Variants in CAMK2D observed in about 807,000 individuals in gnomAD.
CAMK2D encodes calcium/calmodulin-dependent protein kinase type II subunit delta.
CAMK2D carries 37 observed loss-of-function variants against 84.0 expected under a neutral mutation model. That is an observed-to-expected ratio of 0.44 (90% CI 0.34 to 0.58). CAMK2D has a LOEUF of 0.58. Among genes scored for constraint, CAMK2D ranks in the 20% least tolerant of loss-of-function variants. The probability of loss-of-function intolerance (pLI) is 0.02; values close to 1 mark genes in which losing one functional copy is unlikely to be tolerated. For missense variants in CAMK2D, 448 were observed against 652.5 expected (o/e 0.69, Z 3.41); for synonymous variants, 202 against 212.5 (o/e 0.95, Z 0.43).
intron 16 of CAMK2D, among the ~76,000 whole-genome samples, chr4:113,468,679 C>T (rs977679697): frequency 4.0e-5 from 6 of 151,038 alleles, no homozygotes; most frequent in South Asian, 2.1e-4. Flanking sequence ...CTTGGACAGA[C>T]AAGTTGTGTG....
intron 8 of CAMK2D, 106 bp from the exon 9 acceptor site, chr4:113,517,763 A>C: frequency 3.3e-6 from 2 of 602,302 alleles, no homozygotes; most frequent in Non-Finnish European, 6.1e-6. Context: ...AAACAGAGAA[A>C]ACTGGATTGT....
intron 5 of CAMK2D, 80 bp downstream of exon 5, chr4:113,551,951 C>A: frequency 1.5e-6 from 1 of 652,600 alleles, no homozygotes; most frequent in Non-Finnish European, 2.7e-6. Flanking sequence ...TTTGTACAAA[C>A]ATGCATTTGT....
At position 113,603,773 on chromosome 4, in the gene CAMK2D, T is replaced by TTATATATATATATATATATATATATA. The variant is rs139576985; in HGVS notation, c.275+5353_275+5378dup. Among the ~76,000 whole-genome samples, 67 of 127,936 alleles carry TTATATATATATATATATATATATATA rather than the reference T, an allele frequency of 5.2e-4. 1 individual carries two copies. The highest frequency in any genetic ancestry group is 2.1e-3 in the African/African-American group (65 of 30,644). 83.9% of individuals were successfully genotyped at this position (127,936 alleles called of 152,430 possible). A position where few individuals can be genotyped will look rare whatever the true frequency, so the allele number is the denominator to read the frequency against. On this transcript the variant is annotated intron_variant, in intron 4 of 20. Transcript: ENST00000511664. ...ATCTTTCTATATATTTCTTGCTATT[T>TTATATATATATATATATATATATATA]TATATATATATATATATATATATAT... is the stretch of plus-strand genomic sequence containing the variant.
At chr4:113,614,493 G>A (rs931025827) in intron 3 of CAMK2D, among the ~76,000 whole-genome samples, 5 of 152,138 alleles carry the variant, frequency 3.3e-5, no homozygotes, top group Non-Finnish European at 7.3e-5. Flanking sequence ...CTGTAATCTT[G>A]GAAACCACTT....
chr4:113,623,383 T>C lies in CAMK2D; in HGVS notation c.221-14177A>G, dbSNP rs112416395. Among the ~76,000 whole-genome samples, 834 of 150,620 alleles carry C rather than the reference T, an allele frequency of 5.5e-3. 7 individuals are homozygous for C. The highest frequency in any genetic ancestry group is 0.017 in the African/African-American group (718 of 41,064). On this transcript the variant is annotated intron_variant, in intron 3 of 20. Coordinates refer to ENST00000511664, the MANE Select transcript of CAMK2D (RefSeq NM_001321571.2). The stretch of plus-strand genomic sequence containing the variant: ...TCAATGATCTATCATGATGTGTATA[T>C]ACACACACACACACACACACCCACA...
At chr4:113,467,268 A>G (rs139549107) in intron 16 of CAMK2D, among the ~76,000 whole-genome samples, 113 of 152,322 alleles carry the variant, frequency 7.4e-4, no homozygotes, top group African/African-American at 2.6e-3. Flanking sequence ...TTCTTTATTG[A>G]CTAAAGAAAC....
At chr4:113,719,443 T>C (rs1156822407) in intron 2 of CAMK2D, among the ~76,000 whole-genome samples, 1 of 152,220 alleles carries the variant, frequency 6.6e-6, no homozygotes, top group African/African-American at 2.4e-5. Flanking sequence ...CATTCTACCA[T>C]GCCCTTCAGA....
chr4:113,560,506 T>C (rs183465635), intron 4 of CAMK2D, among the ~76,000 whole-genome samples: 1 of 152,190 alleles, frequency 6.6e-6, no homozygotes, highest in Non-Finnish European at 1.5e-5. Context: ...CCATAATCCT[T>C]AAGACCTAGC....
chr4:113,581,739 T>C (rs2098811227), intron 4 of CAMK2D, among the ~76,000 whole-genome samples: 1 of 152,170 alleles, frequency 6.6e-6, no homozygotes, highest in Non-Finnish European at 1.5e-5. Context: ...GTGGTGGTGC[T>C]AGCAAAACAT....
chr4:113,558,800 A>C (rs2098683714), intron 4 of CAMK2D, among the ~76,000 whole-genome samples: 1 of 149,046 alleles, frequency 6.7e-6, no homozygotes, highest in South Asian at 2.1e-4. Flanking sequence ...TGAGCCTAGG[A>C]GTTCAAAAAC....
At chr4:113,522,349 C>T (rs1222467098) in intron 8 of CAMK2D, among the ~76,000 whole-genome samples, 1 of 152,132 alleles carries the variant, frequency 6.6e-6, no homozygotes, top group Non-Finnish European at 1.5e-5. Context: ...CTTGGAAGTA[C>T]ACAATTAATT....
At chr4:113,542,890 T>A (rs1330716165) in intron 6 of CAMK2D, among the ~76,000 whole-genome samples, 1 of 152,194 alleles carries the variant, frequency 6.6e-6, no homozygotes, top group East Asian at 1.9e-4. Context: ...CTCATATTCA[T>A]CTATCCATCC....
At chr4:113,636,218 A>C (rs899068101) in intron 3 of CAMK2D, among the ~76,000 whole-genome samples, 1 of 152,118 alleles carries the variant, frequency 6.6e-6, no homozygotes, top group East Asian at 1.9e-4. Context: ...CTCTGGATTT[A>C]TCCTTGACCT....
At chr4:113,648,959 T>C (rs1407948131) in intron 3 of CAMK2D, among the ~76,000 whole-genome samples, 1 of 152,186 alleles carries the variant, frequency 6.6e-6, no homozygotes, top group Non-Finnish European at 1.5e-5. Flanking sequence ...AATTTCTAAT[T>C]TCTCCCAATG....
chr4:113,473,676 T>C (rs1291598240), intron 16 of CAMK2D, among the ~76,000 whole-genome samples: 1 of 152,206 alleles, frequency 6.6e-6, no homozygotes, highest in Non-Finnish European at 1.5e-5. Context: ...TGAACTTTGC[T>C]ATATAATGCA....
At chr4:113,466,591 G>C (rs546426735) in intron 16 of CAMK2D, among the ~76,000 whole-genome samples, 75 of 152,298 alleles carry the variant, frequency 4.9e-4, no homozygotes, top group Non-Finnish European at 8.8e-4. Context: ...AGTGACATAT[G>C]AATCAATACT....
chr4:113,479,155 T>C (rs2097667670), intron 16 of CAMK2D, among the ~76,000 whole-genome samples: 1 of 152,210 alleles, frequency 6.6e-6, no homozygotes, highest in African/African-American at 2.4e-5. Context: ...AACCGGGTAA[T>C]CACAATTTCT....
intron 7 of CAMK2D, among the ~76,000 whole-genome samples, chr4:113,534,319 GCTTGAA>G (rs1560779022): frequency 6.6e-6 from 1 of 152,012 alleles, no homozygotes; most frequent in East Asian, 1.9e-4. Flanking sequence ...ATGAAGATTC[GCTTGAA>G]CTTGAGAAAA....
At chr4:113,733,871 A>G (rs2099574924) in intron 2 of CAMK2D, among the ~76,000 whole-genome samples, 3 of 152,204 alleles carry the variant, frequency 2.0e-5, no homozygotes, top group Non-Finnish European at 4.4e-5. Context: ...TTTAAAATAC[A>G]TACACAAACT....
Sources: allele counts gnomAD v4.1 joint callset (sites outside exome capture counted in the v4.1 genomes callset), GRCh38; gene constraint gnomAD v4.1.1; transcripts MANE v1.5; gene names NCBI Gene and HGNC (gene_info 2026-07-23, HGNC 2026-07-21).